MYB: variants seen among roughly 807,000 people sequenced by gnomAD.
MYB encodes MYB proto-oncogene, transcription factor, also known as transcriptional activator Myb.
MYB carries 28 observed loss-of-function variants against 92.9 expected under a neutral mutation model. The observed-to-expected ratio is 0.30, with a 90% CI of 0.22 to 0.41. The LOEUF is 0.41. MYB is among the 10% of genes least tolerant of loss of function. The probability of loss-of-function intolerance (pLI) is 1.00; values close to 1 mark genes in which losing one functional copy is unlikely to be tolerated. For missense variants in MYB, 679 were observed against 929.3 expected, an observed-to-expected ratio of 0.73 and a Z score of 3.50; for synonymous variants, 295 against 329.1, an observed-to-expected ratio of 0.90 and a Z score of 1.12.
At position 135,216,125 on chromosome 6, in the gene MYB, T is replaced by C. The variant is rs553341289; in HGVS notation, c.2170-1739T>C. The stretch of plus-strand genomic sequence containing the variant: ...GATCAGAGTCAAGCAGGAGGTTACA[T>C]CTAGCTGGGGCACTGTGCTTTATGC... On this transcript the variant is annotated intron_variant, in intron 15 of 15. Transcript: ENST00000341911. Among the ~76,000 whole-genome samples the C allele has an allele frequency of 5.3e-5, 8 of 152,256 alleles. No individual in the cohort carries two copies. The East Asian group carries it at 1.5e-3, about 29-fold the overall frequency.
intron 15 of MYB, among the ~76,000 whole-genome samples, chr6:135,206,954 A>T (rs1483994693): frequency 1.3e-5 from 2 of 152,206 alleles, no homozygotes; most frequent in Non-Finnish European, 2.9e-5. Flanking sequence ...GACTCTAAAT[A>T]TTTAAACATA....
chr6:135,212,302 T>C (rs1779855838), intron 15 of MYB, among the ~76,000 whole-genome samples: 1 of 133,078 alleles, frequency 7.5e-6, no homozygotes, highest in Non-Finnish European at 1.6e-5. Context: ...GTAAAACACA[T>C]AATTTGCCAA....
rs377634719 is a variant in MYB, at chr6:135,217,875, T to G, written c.2181T>G (p.Ser727Arg). The G allele has an allele frequency of 6.2e-6, 10 of 1,610,292 alleles. No individual in the cohort carries two copies. The highest frequency in any genetic ancestry group is 8.5e-7 in the Non-Finnish European group (1 of 1,176,782). ...CCTTTCTCCATCAGCCTTGTAGCAG[T>G]ACCTGGGAACCTGCATCCTGTGGAA... ...SLASPLQPCSSTWEPASCGKM... is the reference protein window; with the variant it reads ...SLASPLQPCSRTWEPASCGKM... The change falls in exon 16 of 16, where the codon AGT becomes AGG. Residue 727 changes from serine to arginine, a missense_variant. Coordinates refer to ENST00000341911, the MANE Select transcript of MYB (RefSeq NM_001130173.2).
intron 6 of MYB, among the ~76,000 whole-genome samples, chr6:135,193,419 A>G (rs1020177702): frequency 2.0e-5 from 3 of 152,202 alleles, no homozygotes; most frequent in African/African-American, 7.2e-5. Context: ...TATCATAAGA[A>G]TTCCTGTGCT....
chr6:135,194,525 C>T (rs768075106), intron 8 of MYB, 65 bp downstream of exon 8: 1 of 1,116,124 alleles, frequency 9.0e-7, no homozygotes, highest in South Asian at 1.3e-5. Context: ...CCTAAGCGCT[C>T]TTCTCTTCTA....
chr6:135,217,442 C>T (rs1780610505), intron 15 of MYB, among the ~76,000 whole-genome samples: 1 of 152,042 alleles, frequency 6.6e-6, no homozygotes, highest in Non-Finnish European at 1.5e-5. Context: ...ATATATATGA[C>T]ACTTAGCAGG....
chr6:135,188,513 TG>T (rs1410701382), intron 3 of MYB, among the ~76,000 whole-genome samples: 9 of 150,372 alleles, frequency 6.0e-5, no homozygotes, highest in Non-Finnish European at 1.2e-4. Flanking sequence ...TTTTGTTTTT[TG>T]TTTTTTGTTT....
rs1776942128 is a variant in MYB at position 135,193,825 on chromosome 6, C to T, written c.763-13C>T. On this transcript the variant is annotated splice_polypyrimidine_tract_variant and intron_variant, in intron 6 of 15. Transcript: ENST00000341911. The stretch of plus-strand genomic sequence containing the variant: ...CTGAATGACGTGGCCTTTGTTTTGT[C>T]TTTTGCATCTAGGTCTCCAGTCATG... 1.9e-6 allele frequency: 3 copies of T among 1,598,646 alleles called. No homozygotes were observed. Among genetic ancestry groups the T allele is most frequent in the African/African-American group, 2.7e-5 (2 of 74,696 alleles).
At chr6:135,206,104 G>A (rs954928638) in intron 15 of MYB, among the ~76,000 whole-genome samples, 11 of 150,620 alleles carry the variant, frequency 7.3e-5, no homozygotes, top group African/African-American at 2.7e-4. Context: ...TACTTGGGAG[G>A]CTGAGGCAGG....
At chr6:135,183,211 C>T in intron 1 of MYB, among the ~76,000 whole-genome samples, 1 of 151,742 alleles carries the variant, frequency 6.6e-6, no homozygotes, top group Middle Eastern at 3.2e-3. Flanking sequence ...GAACCTGCCT[C>T]AGGGGAAGAG....
intron 9 of MYB, 168 bp from the exon 10 acceptor site, chr6:135,196,793 G>A: frequency 3.9e-6 from 6 of 1,557,684 alleles, no homozygotes; most frequent in Non-Finnish European, 5.2e-6. Flanking sequence ...ACTAGACCCT[G>A]CTCTACTGCA....
chr6:135,204,751 G>A (rs1260379138), intron 15 of MYB, among the ~76,000 whole-genome samples: 5 of 152,206 alleles, frequency 3.3e-5, no homozygotes, highest in African/African-American at 9.6e-5. Context: ...GTATTTATGG[G>A]GAATCTGGAC....
chr6:135,183,453 T>C (rs932130664), intron 1 of MYB, among the ~76,000 whole-genome samples: 13 of 152,318 alleles, frequency 8.5e-5, no homozygotes, highest in African/African-American at 2.9e-4. Context: ...AGTTGTACTC[T>C]TGTAACCACA....
intron 15 of MYB, among the ~76,000 whole-genome samples, chr6:135,208,073 T>A (rs10457633): frequency 0.39 from 55,743 of 143,772 alleles, 10,766 homozygotes; most frequent in Admixed American, 0.41. Flanking sequence ...TTTTTAATTT[T>A]TTTTTTAATT....
chr6:135,189,859 T>G lies in MYB; in HGVS notation c.282T>G (p.Pro94=). 3.1e-6 allele frequency: 5 copies of G among 1,614,036 alleles called. No homozygotes were observed. Among genetic ancestry groups the G allele is most frequent in the Non-Finnish European group, 4.2e-6 (5 of 1,179,896 alleles). Reference sequence around the variant, plus strand: ...TAAACCCTGAGCTCATCAAGGGTCCTTGGACCAAAGAAGAAGATCAGAGAG... The same window carrying G: ...TAAACCCTGAGCTCATCAAGGGTCCGTGGACCAAAGAAGAAGATCAGAGAG... The part of the protein sequence containing the change: ...KVLNPELIKG[P]WTKEEDQRVI... The change falls in exon 4 of 16, where the codon CCT becomes CCG. Residue 94 remains proline, a synonymous_variant. Transcript: ENST00000341911.
rs373571701 is a variant in MYB at position 135,197,319 on chromosome 6, C to T, written c.1562C>T (p.Ser521Leu). The T allele has an allele frequency of 1.9e-6, 3 of 1,603,440 alleles. No individual in the cohort carries two copies. Among genetic ancestry groups the T allele is most frequent in the East Asian group, 2.2e-5 (1 of 44,782 alleles). ...SPVKSLPFSPSQFLNTSSNHE... is the reference protein window; with the variant it reads ...SPVKSLPFSPLQFLNTSSNHE... ...GTCAAAAGCCTACCCTTCTCTCCCT[C>T]GCAGGTAGAACACAATTTCTGCACA... Residue 521 changes from serine (S) to leucine (L), a missense_variant, in exon 10 of 16, where the codon TCG becomes TTG. Ser to Leu is a moderately radical substitution (Grantham distance 145). Coordinates refer to ENST00000341911, the MANE Select transcript of MYB (RefSeq NM_001130173.2).
At chr6:135,198,589 A>G (rs1047104625) in intron 10 of MYB, among the ~76,000 whole-genome samples, 4 of 152,254 alleles carry the variant, frequency 2.6e-5, no homozygotes, top group Admixed American at 1.3e-4. Flanking sequence ...CAAAATCACT[A>G]AAGCCTTTTA....
chr6:135,193,741 T>C lies in MYB; in HGVS notation c.763-97T>C, dbSNP rs56387654. ...TGTATTTTATCAGTAAAGTGTTTTT[T>C]TTCTCTCAGTCCCAGAACGAAACCT... On this transcript the variant is annotated intron_variant, in intron 6 of 15. Coordinates refer to ENST00000341911, the MANE Select transcript of MYB (RefSeq NM_001130173.2). The C allele has an allele frequency of 2.2e-3, 1,645 of 742,660 alleles. 25 individuals are homozygous for C. In the East Asian group the frequency reaches 0.038, roughly 17 times the overall value. 46.0% of individuals were successfully genotyped at this position (742,660 alleles called of 1,614,324 possible). A position where few individuals can be genotyped will look rare whatever the true frequency, so the allele number is the denominator to read the frequency against.
rs1489702781 is a variant in MYB, at chr6:135,183,662, C to A, written c.23+2126C>A. Among the ~76,000 whole-genome samples, 4 of 152,212 alleles carry A rather than the reference C, an allele frequency of 2.6e-5. No homozygotes were observed. The East Asian group carries it at 7.7e-4, about 29-fold the overall frequency. ...AAAGTTCAAAGGCGAGCCTGGGTGG[C>A]CAGCCTGGCAGGGAAACTCAGGAGC... On this transcript the variant is annotated intron_variant, in intron 1 of 15. Coordinates refer to ENST00000341911, the MANE Select transcript of MYB (RefSeq NM_001130173.2).
Sources: gnomAD v4.1 joint callset for allele counts (sites outside exome capture counted in the v4.1 genomes callset) on GRCh38, gnomAD v4.1.1 for gene constraint, MANE v1.5 for transcripts, NCBI Gene and HGNC (gene_info 2026-07-23, HGNC 2026-07-21) for gene names.